GNB1L: variants seen among roughly 807,000 people sequenced by gnomAD.
GNB1L encodes guanine nucleotide-binding protein subunit beta-like protein 1.
In GNB1L, 20 loss-of-function variants were observed where a neutral mutation model predicts 29.1. The ratio of observed to expected loss-of-function variants is 0.69; its 90% CI spans 0.48 to 1.00. The LOEUF is 1.00. GNB1L is among the 50% of genes least tolerant of loss of function. The pLI is 0.00. For synonymous variants in GNB1L, 193 were observed against 206.5 expected, an observed-to-expected ratio of 0.93 and a Z score of 0.56; for missense variants, 421 against 464.9, an observed-to-expected ratio of 0.91 and a Z score of 0.87.
At chr22:19,818,283 G>A (rs1305915174) in intron 4 of GNB1L, among the ~76,000 whole-genome samples, 3 of 152,232 alleles carry the variant, frequency 2.0e-5, no homozygotes, top group African/African-American at 4.8e-5. Context: ...AGGCACCTAC[G>A]CAAGGGACCA....
Position 19,816,941 on chromosome 22 carries a change from G to T in GNB1L, c.254+3657C>A, listed in dbSNP as rs763597247. ...CACCCCCTTCCCACCCCATCCAAGGGGCACTGAGGTGGGGGAAGGCGGGAC... is the reference window on the plus strand; with the variant it reads ...CACCCCCTTCCCACCCCATCCAAGGTGCACTGAGGTGGGGGAAGGCGGGAC... On this transcript the variant is annotated intron_variant, in intron 4 of 7. Transcript: ENST00000329517. This position sits in a 1 kb window ranked among gnomAD's most constrained non-coding sequence, Gnocchi z 4.4. 1.1e-3 allele frequency among the ~76,000 whole-genome samples: 172 copies of T among 152,330 alleles called. 1 individual carries two copies. Among genetic ancestry groups the T allele is most frequent in the Non-Finnish European group, 2.1e-3 (144 of 68,034 alleles).
At chr22:19,849,303 C>T (rs2145904243) in intron 2 of GNB1L, 1 of 980,844 alleles carries the variant, frequency 1.0e-6, no homozygotes, top group Non-Finnish European at 1.2e-6. Flanking sequence ...AGAGCCTTTT[C>T]TAGTGATAGT....
chr22:19,792,762 A>T, intron 7 of GNB1L: 1 of 1,497,278 alleles, frequency 6.7e-7, no homozygotes. Context: ...GCTGGTGGTG[A>T]TTGCAGACGA....
intron 2 of GNB1L, among the ~76,000 whole-genome samples, chr22:19,826,867 G>A (rs1230306303): frequency 1.3e-5 from 2 of 152,160 alleles, no homozygotes; most frequent in African/African-American, 4.8e-5. Context: ...AGCCATAAAG[G>A]AAACAATCAG....
chr22:19,834,584 G>A (rs1937732543), intron 2 of GNB1L, among the ~76,000 whole-genome samples: 1 of 152,180 alleles, frequency 6.6e-6, no homozygotes, highest in Non-Finnish European at 1.5e-5. Flanking sequence ...CTATGTGGTT[G>A]TAAGCCTTCT....
chr22:19,822,050 CG>C (rs1937583909), intron 2 of GNB1L, among the ~76,000 whole-genome samples: 1 of 152,062 alleles, frequency 6.6e-6, no homozygotes, highest in Non-Finnish European at 1.5e-5. Flanking sequence ...CACAGGGTCC[CG>C]GGGGGCTGCT....
intron 2 of GNB1L, among the ~76,000 whole-genome samples, chr22:19,836,369 T>A (rs1937765016): frequency 1.4e-5 from 2 of 145,194 alleles, no homozygotes. Context: ...ATTAAAGGAA[T>A]CACATTTTTA....
chr22:19,834,966 G>A (rs1937738534), intron 2 of GNB1L, among the ~76,000 whole-genome samples: 1 of 152,054 alleles, frequency 6.6e-6, no homozygotes, highest in Admixed American at 6.6e-5. Context: ...AAATTGCAGT[G>A]GATATATTAA....
intron 2 of GNB1L, among the ~76,000 whole-genome samples, chr22:19,853,486 G>A (rs1459420126): frequency 1.3e-5 from 2 of 152,030 alleles, no homozygotes; most frequent in African/African-American, 2.4e-5. Flanking sequence ...GCCCACTCAC[G>A]ACCTCCAGGA....
At chr22:19,823,941 GC>G (rs1937599414) in intron 2 of GNB1L, among the ~76,000 whole-genome samples, 1 of 152,224 alleles carries the variant, frequency 6.6e-6, no homozygotes, top group African/African-American at 2.4e-5. Flanking sequence ...CAGCACGGCG[GC>G]CTTGGGCGGT....
intron 7 of GNB1L, among the ~76,000 whole-genome samples, chr22:19,800,770 G>T (rs537701314): frequency 5.9e-5 from 9 of 152,366 alleles, no homozygotes; most frequent in African/African-American, 2.2e-4. Flanking sequence ...ACAGGTTGGT[G>T]ATGCCCACAG....
intron 5 of GNB1L, among the ~76,000 whole-genome samples, chr22:19,807,492 C>T (rs1418757603): frequency 6.6e-6 from 1 of 151,222 alleles, no homozygotes; most frequent in Non-Finnish European, 1.5e-5. Flanking sequence ...CAGGTACAAG[C>T]GAGAGCAGCT....
intron 7 of GNB1L, chr22:19,792,688 G>T: frequency 6.9e-7 from 1 of 1,458,602 alleles, no homozygotes; most frequent in Non-Finnish European, 9.5e-7. Context: ...CCCACCAAGA[G>T]ACCACCTGTC....
rs1937570194 is a variant in GNB1L at position 19,820,610 on chromosome 22, C to T, written c.242G>A (p.Arg81His). The T allele has an allele frequency of 6.2e-6, 10 of 1,612,232 alleles. No homozygotes were observed. Among genetic ancestry groups the T allele is most frequent in the Non-Finnish European group, 8.5e-6 (10 of 1,179,564 alleles). ...CTTGGAGACCCACCTGAGGAGCTGG[C>T]GCCCCTGGGGCAGCGTCTGCAGCCA... ...VTWLQTLPQG[R>H]QLLSQGRDLK... The change falls in exon 4 of 8, where the codon CGC (arginine) becomes CAC (histidine). Residue 81 changes from arginine to histidine, a missense_variant. Arg to His is a conservative substitution (Grantham distance 29). Coordinates refer to ENST00000329517, the MANE Select transcript of GNB1L (RefSeq NM_053004.3).
intron 2 of GNB1L, among the ~76,000 whole-genome samples, chr22:19,837,294 GACAATCTAT>G (rs1275164639): frequency 6.6e-6 from 1 of 152,146 alleles, no homozygotes; most frequent in Non-Finnish European, 1.5e-5. Context: ...AAAATGAAAA[GACAATCTAT>G]ACAGATGGGG....
At chr22:19,798,788 G>C (rs542399469) in intron 7 of GNB1L, among the ~76,000 whole-genome samples, 2 of 152,206 alleles carry the variant, frequency 1.3e-5, no homozygotes, top group Non-Finnish European at 2.9e-5. Context: ...AGGATGATGC[G>C]GGAAGCCTGG....
At chr22:19,832,932 C>T (rs73379972) in intron 2 of GNB1L, among the ~76,000 whole-genome samples, 19,266 of 152,168 alleles carry the variant, frequency 0.13, 1,496 homozygotes, top group Middle Eastern at 0.23. Flanking sequence ...GGCTGATGTG[C>T]GAGACAGAAC....
intron 4 of GNB1L, among the ~76,000 whole-genome samples, chr22:19,815,997 G>A (rs1937522254): frequency 6.6e-6 from 1 of 152,184 alleles, no homozygotes; most frequent in Non-Finnish European, 1.5e-5. Context: ...GTGCACACAG[G>A]TGAGCCTCTC....
At chr22:19,844,997 G>C (rs57550365) in intron 2 of GNB1L, among the ~76,000 whole-genome samples, 2 of 152,190 alleles carry the variant, frequency 1.3e-5, no homozygotes, top group Non-Finnish European at 2.9e-5. Flanking sequence ...CCCTGGCCTC[G>C]GGGATGGGGA....
Sources: gnomAD v4.1 joint callset for allele counts (sites outside exome capture counted in the v4.1 genomes callset) on GRCh38, gnomAD v4.1.1 for gene constraint, Gnocchi (gnomAD v3.1) non-coding constraint, MANE v1.5 for transcripts, NCBI Gene and HGNC (gene_info 2026-07-23, HGNC 2026-07-21) for gene names.